NR6A1: variants seen among roughly 807,000 people sequenced by gnomAD.
NR6A1 encodes the protein nuclear receptor subfamily 6 group A member 1, also known as retinoic acid receptor-related testis-associated receptor.
A neutral mutation model predicts 59.1 loss-of-function variants in NR6A1; 7 were observed. That is an observed-to-expected ratio of 0.12 (90% CI 0.07 to 0.22). The LOEUF is 0.22. NR6A1 is among the 10% of genes least tolerant of loss of function. The probability of loss-of-function intolerance (pLI) is 1.00; values close to 1 mark genes in which losing one functional copy is unlikely to be tolerated. For missense variants in NR6A1, 468 were observed against 611.6 expected, an observed-to-expected ratio of 0.77 and a Z score of 2.48; for synonymous variants, 243 against 236.1, an observed-to-expected ratio of 1.03 and a Z score of -0.27.
At chr9:124,561,853 A>G (rs1020083459) in intron 2 of NR6A1, among the ~76,000 whole-genome samples, 3 of 152,356 alleles carry the variant, frequency 2.0e-5, no homozygotes, top group African/African-American at 4.8e-5. Flanking sequence ...TAGAGGTTGC[A>G]GTGAGCCAAG....
chr9:124,651,050 C>T (rs1837086815), intron 2 of NR6A1, among the ~76,000 whole-genome samples: 1 of 152,082 alleles, frequency 6.6e-6, no homozygotes, highest in Admixed American at 6.6e-5. Context: ...AATTGGGTTA[C>T]TAGCTCTTTT....
At chr9:124,530,262 C>A (rs1485737463) in intron 7 of NR6A1, among the ~76,000 whole-genome samples, 2 of 152,160 alleles carry the variant, frequency 1.3e-5, no homozygotes, top group Non-Finnish European at 2.9e-5. Context: ...CACCGTGGAC[C>A]CCCAGCAGTG....
chr9:124,764,466 A>C (rs1014217269), intron 1 of NR6A1, among the ~76,000 whole-genome samples: 5 of 151,372 alleles, frequency 3.3e-5, no homozygotes, highest in Non-Finnish European at 1.5e-5. Flanking sequence ...GACCTCCAAA[A>C]TGCTCTTATA....
In NR6A1 at chr9:124,518,460, A is replaced by C. The variant is rs1331526486; in HGVS notation, c.*4245T>G. ...ATGTTGCTGTGGCAGCCTAGAGAGG[A>C]GTTTCTGGGGATCCTGTAATTAAAT... On this transcript the variant is annotated 3_prime_UTR_variant, in exon 10 of 10. Coordinates refer to ENST00000487099, the MANE Select transcript of NR6A1 (RefSeq NM_033334.4). 1.3e-5 allele frequency: 2 copies of C among 151,980 alleles called. No individual in the cohort carries two copies. The highest frequency in any genetic ancestry group is 4.8e-5 in the African/African-American group (2 of 41,364). 9.4% of individuals were successfully genotyped at this position (151,980 alleles called of 1,614,324 possible).
chr9:124,660,457 G>A (rs953882803), intron 2 of NR6A1, among the ~76,000 whole-genome samples: 1 of 151,972 alleles, frequency 6.6e-6, no homozygotes, highest in African/African-American at 2.4e-5. Flanking sequence ...CATATATCTC[G>A]CTACCTGGAT....
intron 1 of NR6A1, among the ~76,000 whole-genome samples, chr9:124,745,730 C>A (rs1840310691): frequency 6.7e-6 from 1 of 150,014 alleles, no homozygotes; most frequent in Non-Finnish European, 1.5e-5. Context: ...CATCTGTAAT[C>A]CTAGCTTTGG....
intron 3 of NR6A1, among the ~76,000 whole-genome samples, chr9:124,553,549 C>CTTTTGTTTTTT (rs1833840045): frequency 2.1e-5 from 1 of 47,324 alleles, no homozygotes; most frequent in Non-Finnish European, 4.0e-5. Context: ...TTTAGCTTGA[C>CTTTTGTTTTTT]TTTTTTTTTT....
intron 2 of NR6A1, among the ~76,000 whole-genome samples, chr9:124,560,140 C>T (rs1834041917): frequency 6.6e-6 from 1 of 152,182 alleles, no homozygotes; most frequent in South Asian, 2.1e-4. Context: ...TTCAATCCTC[C>T]CTGCCACCTC....
intron 2 of NR6A1, among the ~76,000 whole-genome samples, chr9:124,707,749 C>T (rs1839175726): frequency 6.6e-6 from 1 of 152,076 alleles, no homozygotes; most frequent in African/African-American, 2.4e-5. Flanking sequence ...CTGATGGCTC[C>T]GGTTTTTCCC....
At chr9:124,672,601 C>T (rs980468071) in intron 2 of NR6A1, among the ~76,000 whole-genome samples, 30 of 150,924 alleles carry the variant, frequency 2.0e-4, no homozygotes, top group African/African-American at 5.9e-4. Flanking sequence ...GGCGACAGAG[C>T]GAGACTCCGT....
At chr9:124,738,263 C>T (rs889090837) in intron 1 of NR6A1, among the ~76,000 whole-genome samples, 3 of 152,072 alleles carry the variant, frequency 2.0e-5, no homozygotes, top group South Asian at 2.1e-4. Context: ...CAAAACAAAA[C>T]AAAACAAAAA....
At chr9:124,597,268 C>T (rs1835297617) in intron 2 of NR6A1, among the ~76,000 whole-genome samples, 1 of 150,854 alleles carries the variant, frequency 6.6e-6, no homozygotes, top group African/African-American at 2.4e-5. Flanking sequence ...AATACACTGA[C>T]CAGCTTTCCC....
At chr9:124,590,316 A>G (rs1732781963) in intron 2 of NR6A1, among the ~76,000 whole-genome samples, 1 of 151,868 alleles carries the variant, frequency 6.6e-6, no homozygotes, top group African/African-American at 2.4e-5. Context: ...AAGAGCAAAT[A>G]AGTCACAAGA....
chr9:124,581,487 G>A (rs1834764582), intron 2 of NR6A1, among the ~76,000 whole-genome samples: 1 of 152,130 alleles, frequency 6.6e-6, no homozygotes, highest in African/African-American at 2.4e-5. Flanking sequence ...AGCTACTCGG[G>A]AGGCTGACAC....
chr9:124,724,855 GAATT>G (rs893788728), intron 2 of NR6A1, among the ~76,000 whole-genome samples: 2 of 152,154 alleles, frequency 1.3e-5, no homozygotes, highest in African/African-American at 2.4e-5. Flanking sequence ...GGCATGAAAG[GAATT>G]AATAATTTAG....
Position 124,638,313 on chromosome 9 carries a change from T to A in NR6A1, c.143-83743A>T, listed in dbSNP as rs140140613. The stretch of plus-strand genomic sequence containing the variant: ...CCCTTTGAAATCGCTGGCATAGGCA[T>A]CAGACTGGATAGGCTCATCTACTTA... On this transcript the variant is annotated intron_variant, in intron 2 of 9. Transcript: ENST00000487099. Among the ~76,000 whole-genome samples, 364 of 151,836 alleles carry A rather than the reference T, an allele frequency of 2.4e-3. 1 individual carries two copies. The highest frequency in any genetic ancestry group is 8.1e-3 in the African/African-American group (336 of 41,414).
chr9:124,584,458 G>T (rs949124601), intron 2 of NR6A1, among the ~76,000 whole-genome samples: 3 of 152,008 alleles, frequency 2.0e-5, no homozygotes, highest in African/African-American at 7.2e-5. Flanking sequence ...CATCAAGGAA[G>T]TCTCATCAGT....
intron 2 of NR6A1, among the ~76,000 whole-genome samples, chr9:124,652,521 T>G (rs1378947106): frequency 6.6e-6 from 1 of 152,168 alleles, no homozygotes; most frequent in Non-Finnish European, 1.5e-5. Context: ...CCTAGTACAG[T>G]GCATGGCTCA....
Position 124,521,156 on chromosome 9 carries a change from C to T in NR6A1, c.*1549G>A, listed in dbSNP as rs1375281516. 7 of 152,314 alleles carry T rather than the reference C, an allele frequency of 4.6e-5. No homozygotes were observed. 9.4% of individuals were successfully genotyped at this position (152,314 alleles called of 1,614,324 possible). ...CTAAGTGGTCTGCTTGCCACACTGG[C>T]TGTGAAAGATACCTGGGTGTAGGCA... On this transcript the variant is annotated 3_prime_UTR_variant, in exon 10 of 10. Transcript: ENST00000487099.
Sources: allele counts gnomAD v4.1 joint callset (sites outside exome capture counted in the v4.1 genomes callset), GRCh38; gene constraint gnomAD v4.1.1; transcripts MANE v1.5; gene names NCBI Gene and HGNC (gene_info 2026-07-23, HGNC 2026-07-21).